ADAMTS17: variants seen among roughly 807,000 people sequenced by gnomAD.
The protein encoded by ADAMTS17 is A disintegrin and metalloproteinase with thrombospondin motifs 17.
A neutral mutation model predicts 141.5 loss-of-function variants in ADAMTS17; 113 were observed. The observed-to-expected ratio is 0.80, with a 90% CI of 0.69 to 0.93. The LOEUF (loss-of-function observed/expected upper bound fraction) is 0.93, where lower values mean the gene tolerates loss of function less well. ADAMTS17 is among the 40% of genes least tolerant of loss of function. ADAMTS17 has a pLI of 0.00. For synonymous variants in ADAMTS17, 768 were observed against 630.6 expected (o/e 1.22, Z -3.27); for missense variants, 1,659 against 1,517.9 (o/e 1.09, Z -1.54).
rs553302817 is a variant in ADAMTS17, at chr15:100,071,032, T to C, written c.2138-16978A>G. Among the ~76,000 whole-genome samples, 56 of 150,014 alleles carry C rather than the reference T, an allele frequency of 3.7e-4. 5 individuals carry two copies. Among genetic ancestry groups the C allele is most frequent in the African/African-American group, 1.4e-3 (55 of 40,616 alleles). ...AAGAAGAAAAGAGACAAGAATCAAATAGATGCAATAAAAAATGATAAAGCA... is the reference window on the plus strand; with the variant it reads ...AAGAAGAAAAGAGACAAGAATCAAACAGATGCAATAAAAAATGATAAAGCA... On this transcript the variant is annotated intron_variant, in intron 15 of 21. Coordinates refer to ENST00000268070, the MANE Select transcript of ADAMTS17 (RefSeq NM_139057.4).
At chr15:100,006,128 T>C (rs148157547) in intron 18 of ADAMTS17, among the ~76,000 whole-genome samples, 2 of 152,290 alleles carry the variant, frequency 1.3e-5, no homozygotes, top group East Asian at 1.9e-4. Flanking sequence ...TGTTTCCAAA[T>C]AAGGTCACAT....
chr15:100,324,784 GAAT>G (rs1351047147), intron 3 of ADAMTS17, among the ~76,000 whole-genome samples: 1 of 152,186 alleles, frequency 6.6e-6, no homozygotes, highest in Non-Finnish European at 1.5e-5. Context: ...ATGAGCAGGT[GAAT>G]TATAACCACA....
intron 20 of ADAMTS17, among the ~76,000 whole-genome samples, chr15:99,977,300 G>A (rs542487570): frequency 7.4e-6 from 1 of 135,788 alleles, no homozygotes; most frequent in Non-Finnish European, 1.5e-5. Context: ...AATTCCCAAG[G>A]AGTGGACCCG....
intron 8 of ADAMTS17, among the ~76,000 whole-genome samples, chr15:100,170,581 C>G (rs2040123026): frequency 6.6e-6 from 1 of 152,224 alleles, no homozygotes; most frequent in Non-Finnish European, 1.5e-5. Flanking sequence ...TTGGTTTGTT[C>G]TGGTAAACCT....
At chr15:100,340,586 G>A (rs958170104) in intron 2 of ADAMTS17, among the ~76,000 whole-genome samples, 1 of 152,156 alleles carries the variant, frequency 6.6e-6, no homozygotes, top group African/African-American at 2.4e-5. Flanking sequence ...AGGAAGGGAG[G>A]TGAATGCCCA....
intron 18 of ADAMTS17, among the ~76,000 whole-genome samples, chr15:100,007,747 C>A (rs369641882): frequency 1.1e-4 from 17 of 152,100 alleles, no homozygotes; most frequent in African/African-American, 2.9e-4. Context: ...GAGGGGCTAC[C>A]GGGTGCAGTG....
chr15:99,997,945 C>T lies in ADAMTS17; in HGVS notation c.2592-356G>A, dbSNP rs934617625. 9.9e-5 allele frequency among the ~76,000 whole-genome samples: 15 copies of T among 152,264 alleles called. No individual in the cohort carries two copies. The highest frequency in any genetic ancestry group is 2.0e-4 in the Admixed American group (3 of 15,296). On this transcript the variant is annotated intron_variant, in intron 18 of 21. Coordinates refer to ENST00000268070, the MANE Select transcript of ADAMTS17 (RefSeq NM_139057.4). This position sits in a 1 kb window ranked among gnomAD's most constrained non-coding sequence, Gnocchi z 4.7. ...AGTGAAGAGGATGCTGGCGGCGTCC[C>T]GGCAGAAGCTCTGAATGTGGTTATG...
At chr15:100,256,935 TG>T (rs1375725304) in intron 6 of ADAMTS17, 3 of 152,700 alleles carry the variant, frequency 2.0e-5, no homozygotes, top group Non-Finnish European at 4.4e-5. Context: ...CAGACACAGC[TG>T]CAGAAAACCC....
At chr15:100,267,602 T>C (rs1054106754) in intron 4 of ADAMTS17, among the ~76,000 whole-genome samples, 2 of 152,152 alleles carry the variant, frequency 1.3e-5, no homozygotes, top group African/African-American at 2.4e-5. Context: ...ATGCTGAAGT[T>C]TGGGATACGA....
intron 12 of ADAMTS17, among the ~76,000 whole-genome samples, chr15:100,117,621 G>A (rs2037220307): frequency 6.6e-6 from 1 of 152,126 alleles, no homozygotes; most frequent in Non-Finnish European, 1.5e-5. Flanking sequence ...GCTCTGTGCT[G>A]AGGCTGGGGT....
chr15:100,341,950 C>A lies in ADAMTS17; in HGVS notation c.-51G>T. Reference sequence around the variant, plus strand: ...GGACCGTGGCGGCGAAGCAGGAGCGCGCTAGGCGGCGGCGCCAGCCGGAGT... The same window carrying A: ...GGACCGTGGCGGCGAAGCAGGAGCGAGCTAGGCGGCGGCGCCAGCCGGAGT... On this transcript the variant is annotated 5_prime_UTR_variant, in exon 1 of 22. Coordinates refer to ENST00000268070, the MANE Select transcript of ADAMTS17 (RefSeq NM_139057.4). The A allele has an allele frequency of 6.5e-7, 1 of 1,542,830 alleles. No homozygotes were observed. Among genetic ancestry groups the A allele is most frequent in the Non-Finnish European group, 8.8e-7 (1 of 1,142,772 alleles).
At chr15:100,022,642 T>C (rs755219865) in intron 18 of ADAMTS17, among the ~76,000 whole-genome samples, 3 of 152,036 alleles carry the variant, frequency 2.0e-5, no homozygotes, top group Non-Finnish European at 4.4e-5. Flanking sequence ...CCCTGACAGG[T>C]TTGCTGAGCC....
chr15:100,104,029 G>A (rs2036276900), intron 14 of ADAMTS17, among the ~76,000 whole-genome samples: 1 of 152,186 alleles, frequency 6.6e-6, no homozygotes, highest in East Asian at 1.9e-4. Flanking sequence ...TACAAATTAT[G>A]GTACCAAGGA....
intron 14 of ADAMTS17, among the ~76,000 whole-genome samples, chr15:100,106,191 C>G (rs989270029): frequency 6.6e-6 from 1 of 152,180 alleles, no homozygotes; most frequent in Non-Finnish European, 1.5e-5. Context: ...TGGGAGGACA[C>G]AGAGTGGCAG....
intron 8 of ADAMTS17, among the ~76,000 whole-genome samples, chr15:100,159,768 A>G (rs1301164650): frequency 1.3e-5 from 2 of 152,224 alleles, no homozygotes; most frequent in African/African-American, 4.8e-5. Context: ...TCCTAGTCTG[A>G]GTCACAGACT....
intron 10 of ADAMTS17, among the ~76,000 whole-genome samples, chr15:100,147,415 C>T (rs1220524821): frequency 6.6e-6 from 1 of 152,210 alleles, no homozygotes; most frequent in Non-Finnish European, 1.5e-5. Context: ...GCATAACCTA[C>T]TACACACCTA....
intron 18 of ADAMTS17, among the ~76,000 whole-genome samples, chr15:100,043,819 T>C (rs1322709081): frequency 6.6e-6 from 1 of 152,372 alleles, no homozygotes. Flanking sequence ...TGAAGTGTAT[T>C]TGGCTTGAAC....
At chr15:100,047,923 T>A (rs746167925) in intron 18 of ADAMTS17, among the ~76,000 whole-genome samples, 3 of 152,226 alleles carry the variant, frequency 2.0e-5, no homozygotes, top group Non-Finnish European at 4.4e-5. Flanking sequence ...AATTTCATTC[T>A]TAATTTGGCA....
chr15:100,137,743 G>C (rs1490931433), intron 10 of ADAMTS17, among the ~76,000 whole-genome samples: 1 of 152,208 alleles, frequency 6.6e-6, no homozygotes, highest in East Asian at 1.9e-4. Flanking sequence ...ATAGCAATGT[G>C]TGATGAGCAC....
Sources: gnomAD v4.1 joint callset for allele counts (sites outside exome capture counted in the v4.1 genomes callset) on GRCh38, gnomAD v4.1.1 for gene constraint, Gnocchi (gnomAD v3.1) non-coding constraint, MANE v1.5 for transcripts, NCBI Gene and HGNC (gene_info 2026-07-23, HGNC 2026-07-21) for gene names.